Variants in PTPRM observed in about 807,000 individuals in gnomAD.
PTPRM encodes protein tyrosine phosphatase receptor type M.
A neutral mutation model predicts 186.7 loss-of-function variants in PTPRM; 47 were observed. The observed-to-expected ratio is 0.25, with a 90% CI of 0.20 to 0.32. PTPRM has a LOEUF of 0.32. Ranked by LOEUF, PTPRM falls within the 10% of genes least tolerant of loss-of-function variation. The pLI is 1.00. For synonymous variants in PTPRM, 668 were observed against 674.9 expected (o/e 0.99, Z 0.16); for missense variants, 1,494 against 1,865.0 (o/e 0.80, Z 3.66).
intron 14 of PTPRM, among the ~76,000 whole-genome samples, chr18:8,154,345 C>T (rs1019674119): frequency 2.6e-5 from 4 of 152,160 alleles, no homozygotes; most frequent in African/African-American, 4.8e-5. Flanking sequence ...TTTCCTCTAC[C>T]GCAGCATTCT....
At chr18:8,317,973 C>T (rs949639381) in intron 21 of PTPRM, among the ~76,000 whole-genome samples, 8 of 152,120 alleles carry the variant, frequency 5.3e-5, no homozygotes, top group African/African-American at 1.9e-4. Flanking sequence ...GGTCATGGCT[C>T]TATAATTTGA....
intron 1 of PTPRM, among the ~76,000 whole-genome samples, chr18:7,756,483 G>C (rs2041497216): frequency 1.3e-5 from 2 of 152,066 alleles, no homozygotes; most frequent in Admixed American, 1.3e-4. Flanking sequence ...ATTTGTTTCT[G>C]TTACCATCAA....
chr18:7,980,589 G>T (rs2147435152), intron 7 of PTPRM, among the ~76,000 whole-genome samples: 1 of 151,988 alleles, frequency 6.6e-6, no homozygotes, highest in Non-Finnish European at 1.5e-5. Flanking sequence ...TCACTATGTT[G>T]CCCAGGCTGG....
chr18:8,280,099 C>T (rs1306091222), intron 19 of PTPRM, among the ~76,000 whole-genome samples: 2 of 151,782 alleles, frequency 1.3e-5, no homozygotes, highest in African/African-American at 2.4e-5. Context: ...GACTGGGTGG[C>T]TCACACAACA....
At chr18:7,984,898 A>C (rs1203931129) in intron 7 of PTPRM, among the ~76,000 whole-genome samples, 3 of 127,110 alleles carry the variant, frequency 2.4e-5, no homozygotes, top group African/African-American at 9.3e-5. Context: ...TACATATATA[A>C]ATATATACAT....
intron 1 of PTPRM, among the ~76,000 whole-genome samples, chr18:7,711,632 T>G (rs1236466760): frequency 6.6e-6 from 1 of 152,180 alleles, no homozygotes; most frequent in Non-Finnish European, 1.5e-5. Context: ...CATGGGACAC[T>G]GGACTTGGTG....
At chr18:8,190,653 C>T (rs1362897643) in intron 14 of PTPRM, among the ~76,000 whole-genome samples, 3 of 152,038 alleles carry the variant, frequency 2.0e-5, no homozygotes, top group East Asian at 1.9e-4. Context: ...TTCTGTTTAT[C>T]TGTAGTAATT....
intron 23 of PTPRM, 86 bp downstream of exon 23, chr18:8,343,606 T>C (rs962165852): frequency 1.7e-5 from 20 of 1,182,814 alleles, no homozygotes; most frequent in Non-Finnish European, 2.4e-5. Flanking sequence ...GCTTTTGAAC[T>C]ATTATGTGTA....
intron 30 of PTPRM, among the ~76,000 whole-genome samples, chr18:8,385,127 G>C (rs1215444515): frequency 1.1e-4 from 17 of 152,156 alleles, no homozygotes; most frequent in Admixed American, 1.1e-3. Flanking sequence ...AGGCAGGCCA[G>C]GTGACCAGAC....
At position 7,935,382 on chromosome 18, in the gene PTPRM, T is replaced by C. The variant is rs576130091; in HGVS notation, c.663+8699T>C. ...AAGCTACTGAAAACCTTTAGGCGTA[T>C]ACCTTATGTTTTAACTTAATATGAT... On this transcript the variant is annotated intron_variant, in intron 5 of 32. Transcript: ENST00000580170. Among the ~76,000 whole-genome samples, 908 of 152,338 alleles carry C rather than the reference T, an allele frequency of 6.0e-3. 7 individuals are homozygous for C. Among genetic ancestry groups the C allele is most frequent in the African/African-American group, 0.021 (853 of 41,586 alleles).
chr18:8,371,046 C>A, intron 24 of PTPRM, 40 bp downstream of exon 24: 4 of 1,250,392 alleles, frequency 3.2e-6, no homozygotes, highest in South Asian at 1.3e-5. Context: ...TGGTCAGACA[C>A]TAGTGGTACC....
intron 1 of PTPRM, among the ~76,000 whole-genome samples, chr18:7,583,299 A>G (rs2143528263): frequency 6.6e-6 from 1 of 152,270 alleles, no homozygotes; most frequent in African/African-American, 2.4e-5. Context: ...TACTTCTCCA[A>G]TGTGATCCTA....
intron 1 of PTPRM, among the ~76,000 whole-genome samples, chr18:7,692,412 G>T (rs566458150): frequency 5.3e-5 from 8 of 152,148 alleles, no homozygotes; most frequent in African/African-American, 1.9e-4. Flanking sequence ...ATCCCAGGAG[G>T]TTAAGGCTAT....
chr18:7,757,531 T>G (rs1017557399), intron 1 of PTPRM, among the ~76,000 whole-genome samples: 3 of 152,192 alleles, frequency 2.0e-5, no homozygotes, highest in Non-Finnish European at 4.4e-5. Flanking sequence ...GAGTGACCCC[T>G]GGGCAGCCAG....
At chr18:7,641,477 C>G (rs1234323486) in intron 1 of PTPRM, among the ~76,000 whole-genome samples, 1 of 152,078 alleles carries the variant, frequency 6.6e-6, no homozygotes, top group Non-Finnish European at 1.5e-5. Flanking sequence ...TTCTCTCACT[C>G]ATGAAAAAAA....
At chr18:7,834,491 T>TACACACACACACACAC (rs36162599) in intron 2 of PTPRM, among the ~76,000 whole-genome samples, 2,081 of 84,560 alleles carry the variant, frequency 0.025, 65 homozygotes, top group Middle Eastern at 0.036. Flanking sequence ...TATACAAGTA[T>TACACACACACACACAC]ACACACACAC....
chr18:8,325,996 T>G (rs529449556), intron 22 of PTPRM, among the ~76,000 whole-genome samples: 67 of 152,274 alleles, frequency 4.4e-4, no homozygotes, highest in African/African-American at 1.6e-3. Flanking sequence ...TCTGTTCCTG[T>G]TTTTTGCCAA....
chr18:7,596,404 C>T (rs2037261954), intron 1 of PTPRM, among the ~76,000 whole-genome samples: 3 of 152,194 alleles, frequency 2.0e-5, no homozygotes, highest in African/African-American at 7.2e-5. Context: ...TTGTCTTTCA[C>T]CTGACTTCAT....
At chr18:7,770,397 T>G (rs1359310010) in intron 1 of PTPRM, among the ~76,000 whole-genome samples, 1 of 152,186 alleles carries the variant, frequency 6.6e-6, no homozygotes, top group Non-Finnish European at 1.5e-5. Context: ...AGTTTTCAAT[T>G]ATATATTCCA....
Sources: gnomAD v4.1 joint callset for allele counts (sites outside exome capture counted in the v4.1 genomes callset) on GRCh38, gnomAD v4.1.1 for gene constraint, MANE v1.5 for transcripts, NCBI Gene and HGNC (gene_info 2026-07-23, HGNC 2026-07-21) for gene names.